The following USP32 variants were observed in gnomAD, a reference collection of about 807,000 sequenced individuals.
USP32 encodes ubiquitin specific peptidase 32.
A neutral mutation model predicts 204.8 loss-of-function variants in USP32; 59 were observed. The observed-to-expected ratio is 0.29, with a 90% CI of 0.23 to 0.36. USP32 has a LOEUF of 0.36. Among genes scored for constraint, USP32 ranks in the 10% least tolerant of loss-of-function variants. USP32 has a pLI of 1.00. For synonymous variants in USP32, 517 were observed against 678.4 expected, an observed-to-expected ratio of 0.76 and a Z score of 3.70; for missense variants, 1,160 against 1,946.4, an observed-to-expected ratio of 0.60 and a Z score of 7.60.
chr17:60,182,672 A>G (rs1288921207), intron 31 of USP32, among the ~76,000 whole-genome samples: 1 of 152,062 alleles, frequency 6.6e-6, no homozygotes, highest in Non-Finnish European at 1.5e-5. Flanking sequence ...CTGAGGTGGG[A>G]GGATTGATTG....
At chr17:60,304,483 A>G (rs561561010) in intron 2 of USP32, among the ~76,000 whole-genome samples, 1 of 152,318 alleles carries the variant, frequency 6.6e-6, no homozygotes, top group Admixed American at 6.5e-5. Context: ...CCATAAAGAA[A>G]TAAGAATACT....
At chr17:60,356,019 AAC>A (rs1159469114) in intron 1 of USP32, among the ~76,000 whole-genome samples, 7 of 152,154 alleles carry the variant, frequency 4.6e-5, no homozygotes, top group Admixed American at 3.3e-4. Flanking sequence ...CCAACAGTCA[AAC>A]AGCCACTGAA....
chr17:60,204,439 T>G (rs554049113), intron 26 of USP32, among the ~76,000 whole-genome samples: 50 of 151,582 alleles, frequency 3.3e-4, no homozygotes, highest in Admixed American at 2.9e-3. Flanking sequence ...AAAGGGATCC[T>G]CCTAAACATG....
intron 13 of USP32, among the ~76,000 whole-genome samples, chr17:60,225,418 C>T (rs577015660): frequency 1.3e-5 from 2 of 152,264 alleles, no homozygotes; most frequent in African/African-American, 4.8e-5. Context: ...GATTATGCCA[C>T]TGTACTCCAG....
chr17:60,297,509 C>T (rs112939543), intron 3 of USP32, among the ~76,000 whole-genome samples: 6,790 of 151,108 alleles, frequency 0.045, 532 homozygotes, highest in African/African-American at 0.15. Context: ...AGTGCAGTGG[C>T]GCAATCTCGG....
At chr17:60,406,138 C>CAAGTGGGTGAGACA (rs2089973646) in intron 1 of USP32, among the ~76,000 whole-genome samples, 1 of 117,752 alleles carries the variant, frequency 8.5e-6, no homozygotes, top group African/African-American at 3.3e-5. Flanking sequence ...GCCTGGGTGA[C>CAAGTGGGTGAGACA]AGTGCAAGAC....
chr17:60,257,573 C>A (rs2086344713), intron 9 of USP32, among the ~76,000 whole-genome samples: 1 of 151,966 alleles, frequency 6.6e-6, no homozygotes, highest in Non-Finnish European at 1.5e-5. Flanking sequence ...CACTGCAGTC[C>A]CAAACTCCTA....
chr17:60,205,965 C>T (rs1567765132), intron 25 of USP32, among the ~76,000 whole-genome samples: 1 of 152,214 alleles, frequency 6.6e-6, no homozygotes, highest in African/African-American at 2.4e-5. Context: ...TTTTCTTTTC[C>T]TTCTCTTTGC....
At chr17:60,183,137 G>A in intron 31 of USP32, 28 bp downstream of exon 31, 1 of 1,563,310 alleles carries the variant, frequency 6.4e-7, no homozygotes, top group South Asian at 1.2e-5. Flanking sequence ...TCCCAAGAAA[G>A]CACCTGCATA....
chr17:60,237,846 G>A (rs894608109), intron 11 of USP32, among the ~76,000 whole-genome samples: 2 of 152,178 alleles, frequency 1.3e-5, no homozygotes, highest in African/African-American at 4.8e-5. Context: ...TGGATGTATA[G>A]ACTGTTTCTA....
chr17:60,298,041 A>G (rs1434247069), intron 3 of USP32, among the ~76,000 whole-genome samples: 4 of 152,002 alleles, frequency 2.6e-5, no homozygotes, highest in African/African-American at 4.8e-5. Context: ...TCCTTGTTTC[A>G]CCTTTTGACT....
chr17:60,349,673 A>ATG (rs1473355512), intron 1 of USP32, among the ~76,000 whole-genome samples: 14 of 134,284 alleles, frequency 1.0e-4, no homozygotes, highest in African/African-American at 4.1e-4. Context: ...ACACATATAT[A>ATG]TATACACACA....
chr17:60,408,409 G>A (rs1207345174), intron 1 of USP32, among the ~76,000 whole-genome samples: 3 of 150,674 alleles, frequency 2.0e-5, no homozygotes, highest in African/African-American at 4.9e-5. Flanking sequence ...ACAGAGTCTC[G>A]CTCTGTCCCC....
At chr17:60,385,805 T>C (rs999743849) in intron 1 of USP32, among the ~76,000 whole-genome samples, 2 of 149,610 alleles carry the variant, frequency 1.3e-5, no homozygotes, top group African/African-American at 4.9e-5. Flanking sequence ...TCACGCCACT[T>C]GCACTCCAGC....
intron 26 of USP32, among the ~76,000 whole-genome samples, chr17:60,204,760 C>A (rs530655044): frequency 2.2e-4 from 34 of 151,966 alleles, no homozygotes; most frequent in African/African-American, 7.5e-4. Flanking sequence ...TGAGCCACCG[C>A]ACCTGGCCAT....
At chr17:60,305,480 T>C (rs1234923894) in intron 2 of USP32, among the ~76,000 whole-genome samples, 18 of 152,268 alleles carry the variant, frequency 1.2e-4, no homozygotes, top group East Asian at 3.9e-4. Flanking sequence ...ACCTCCAACA[T>C]TGGGGATCAC....
chr17:60,287,106 C>T (rs2087135133), intron 5 of USP32, among the ~76,000 whole-genome samples: 1 of 152,078 alleles, frequency 6.6e-6, no homozygotes, highest in African/African-American at 2.4e-5. Context: ...GCCGAGATCG[C>T]GCCACTGCAC....
intron 5 of USP32, among the ~76,000 whole-genome samples, chr17:60,274,754 G>A (rs1473683039): frequency 6.6e-6 from 1 of 151,888 alleles, no homozygotes; most frequent in Non-Finnish European, 1.5e-5. Flanking sequence ...GACTATTAAA[G>A]GGCATTCTTC....
intron 7 of USP32, among the ~76,000 whole-genome samples, chr17:60,267,692 T>C (rs1201096782): frequency 2.6e-5 from 4 of 151,990 alleles, no homozygotes; most frequent in African/African-American, 9.7e-5. Context: ...GGCTAACTTT[T>C]GTATTTCTAG....
Sources: gnomAD v4.1 joint callset for allele counts (sites outside exome capture counted in the v4.1 genomes callset) on GRCh38, gnomAD v4.1.1 for gene constraint, MANE v1.5 for transcripts, NCBI Gene and HGNC (gene_info 2026-07-23, HGNC 2026-07-21) for gene names.